Variants in SOX5 observed in about 807,000 individuals in gnomAD.
SOX5 encodes transcription factor SOX-5.
A neutral mutation model predicts 92.0 loss-of-function variants in SOX5; 9 were observed. That is an observed-to-expected ratio of 0.10 (90% CI 0.06 to 0.17). The LOEUF (loss-of-function observed/expected upper bound fraction) is 0.17, where lower values mean the gene tolerates loss of function less well. Ranked by LOEUF, SOX5 falls within the 10% of genes least tolerant of loss-of-function variation. The pLI is 1.00. For missense variants in SOX5, 642 were observed against 944.5 expected (o/e 0.68, Z 4.20); for synonymous variants, 344 against 336.3 (o/e 1.02, Z -0.25).
At chr12:23,846,629 T>G (rs2096578243) in intron 2 of SOX5, among the ~76,000 whole-genome samples, 1 of 151,460 alleles carries the variant, frequency 6.6e-6, no homozygotes, top group South Asian at 2.1e-4. Flanking sequence ...ACTTCCTGAC[T>G]TTGTAATATT....
chr12:24,154,281 AC>A (rs1951943849), intron 4 of SOX5, among the ~76,000 whole-genome samples: 1 of 152,076 alleles, frequency 6.6e-6, no homozygotes. Flanking sequence ...CACTCACTTG[AC>A]TTTAGTTGGT....
At chr12:24,178,265 T>C (rs374192670) in intron 4 of SOX5, among the ~76,000 whole-genome samples, 81 of 116,414 alleles carry the variant, frequency 7.0e-4, no homozygotes, top group Middle Eastern at 9.9e-3. Context: ...TTTTTTTTTT[T>C]CCCATTTAAG....
At chr12:23,986,228 T>C (rs1474214082) in intron 4 of SOX5, among the ~76,000 whole-genome samples, 2 of 152,118 alleles carry the variant, frequency 1.3e-5, no homozygotes, top group African/African-American at 2.4e-5. Flanking sequence ...TTAACTGGCA[T>C]TGTAAACTGT....
chr12:24,213,262 T>C (rs1485244548), intron 4 of SOX5: 1 of 151,664 alleles, frequency 6.6e-6, no homozygotes, highest in Admixed American at 6.6e-5. Flanking sequence ...ATGGAAGAAA[T>C]AAGCAAGTGG....
chr12:24,001,773 T>C (rs1374295936), intron 4 of SOX5, among the ~76,000 whole-genome samples: 1 of 152,158 alleles, frequency 6.6e-6, no homozygotes, highest in Non-Finnish European at 1.5e-5. Flanking sequence ...ACAATATTTA[T>C]CACAAAGAAA....
At chr12:24,378,810 C>G (rs1957537661) in intron 1 of SOX5, among the ~76,000 whole-genome samples, 1 of 152,308 alleles carries the variant, frequency 6.6e-6, no homozygotes, top group Admixed American at 6.5e-5. Flanking sequence ...TGAGCACTCC[C>G]TCAATCCGCA....
At chr12:24,236,017 A>G (rs866819597) in intron 3 of SOX5, among the ~76,000 whole-genome samples, 2 of 151,788 alleles carry the variant, frequency 1.3e-5, no homozygotes, top group Non-Finnish European at 2.9e-5. Context: ...GTAAAACCCC[A>G]CCTCTACTAA....
chr12:23,779,964 T>TGTGA (rs1282862183), intron 3 of SOX5, among the ~76,000 whole-genome samples: 1 of 138,184 alleles, frequency 7.2e-6, no homozygotes, highest in Non-Finnish European at 1.5e-5. Flanking sequence ...ACTGTGTGTG[T>TGTGA]GTGTGTGTGT....
In SOX5 at chr12:23,642,101, A is replaced by G. The variant is rs555340727; in HGVS notation, c.932-1204T>C. Among the ~76,000 whole-genome samples, 19 of 152,260 alleles carry G rather than the reference A, an allele frequency of 1.2e-4. 1 individual carries two copies. In the South Asian group the frequency reaches 3.7e-3, roughly 30 times the overall value. On this transcript the variant is annotated intron_variant, in intron 7 of 14. Transcript: ENST00000451604. ...TTTTATATTTGTCATATATTTTTAT[A>G]TTTATCAGTTGTTGTAATTTGTTGT...
At chr12:24,373,304 T>C (rs1341933782) in intron 1 of SOX5, among the ~76,000 whole-genome samples, 1 of 152,198 alleles carries the variant, frequency 6.6e-6, no homozygotes, top group East Asian at 1.9e-4. Flanking sequence ...AACACTACCA[T>C]ATTTTTTATA....
intron 2 of SOX5, among the ~76,000 whole-genome samples, chr12:24,283,405 C>T (rs1369765127): frequency 6.6e-6 from 1 of 152,184 alleles, no homozygotes; most frequent in East Asian, 1.9e-4. Context: ...CTGGTAATAT[C>T]AGTGTTGGAA....
chr12:23,722,765 G>C (rs1411658095), intron 6 of SOX5, among the ~76,000 whole-genome samples: 1 of 152,076 alleles, frequency 6.6e-6, no homozygotes, highest in African/African-American at 2.4e-5. Flanking sequence ...CATCTAAACG[G>C]CTCTGGTCTT....
intron 1 of SOX5, among the ~76,000 whole-genome samples, chr12:24,527,320 T>C (rs1950803424): frequency 6.6e-6 from 1 of 152,188 alleles, no homozygotes; most frequent in Non-Finnish European, 1.5e-5. Flanking sequence ...CTCTGTACTG[T>C]GATTCCAGAT....
At chr12:23,757,884 G>T (rs1397521965) in intron 3 of SOX5, among the ~76,000 whole-genome samples, 1 of 151,628 alleles carries the variant, frequency 6.6e-6, no homozygotes, top group Non-Finnish European at 1.5e-5. Flanking sequence ...CAGAGTTAAA[G>T]AAACAGCAGC....
At chr12:23,562,077 T>C (rs1027154556) in intron 11 of SOX5, among the ~76,000 whole-genome samples, 1 of 152,168 alleles carries the variant, frequency 6.6e-6, no homozygotes, top group Admixed American at 6.5e-5. Flanking sequence ...TCATTCCTTC[T>C]TAGAACTGTC....
At chr12:23,541,920 G>A (rs1369969851) in intron 13 of SOX5, among the ~76,000 whole-genome samples, 1 of 152,184 alleles carries the variant, frequency 6.6e-6, no homozygotes, top group East Asian at 1.9e-4. Context: ...AGGCCAGCCT[G>A]GCCAAAATGG....
intron 4 of SOX5, among the ~76,000 whole-genome samples, chr12:24,020,742 G>A (rs1350027066): frequency 1.3e-5 from 2 of 152,112 alleles, no homozygotes; most frequent in African/African-American, 2.4e-5. Context: ...ATCCGGAGTC[G>A]CTTAATCAAC....
At chr12:23,762,189 G>A (rs1312293307) in intron 3 of SOX5, among the ~76,000 whole-genome samples, 2 of 152,084 alleles carry the variant, frequency 1.3e-5, no homozygotes, top group Admixed American at 1.3e-4. Context: ...AGTCCCCTTA[G>A]TCAAGTATTA....
At chr12:24,151,759 A>G (rs2138839480) in intron 4 of SOX5, among the ~76,000 whole-genome samples, 1 of 152,172 alleles carries the variant, frequency 6.6e-6, no homozygotes, top group African/African-American at 2.4e-5. Context: ...GAAATGAAAA[A>G]CTTCTCACTG....
Sources: gnomAD v4.1 joint callset for allele counts (sites outside exome capture counted in the v4.1 genomes callset) on GRCh38, gnomAD v4.1.1 for gene constraint, MANE v1.5 for transcripts, NCBI Gene and HGNC (gene_info 2026-07-23, HGNC 2026-07-21) for gene names.